The following CCDC93 variants were observed in gnomAD, a reference collection of about 807,000 sequenced individuals.
The protein encoded by CCDC93 is CCC complex scaffolding subunit CCDC93.
Under a neutral mutation model 108.2 loss-of-function variants are expected in CCDC93, and 61 were observed. That is an observed-to-expected ratio of 0.56 (90% CI 0.46 to 0.70). CCDC93 has a LOEUF of 0.70. Ranked by LOEUF, CCDC93 falls within the 30% of genes least tolerant of loss-of-function variation. CCDC93 has a pLI of 0.00. For missense variants in CCDC93, 685 were observed against 764.2 expected (o/e 0.90, Z 1.22); for synonymous variants, 276 against 260.4 (o/e 1.06, Z -0.58).
chr2:117,930,816 G>A, intron 23 of CCDC93: 1 of 432,792 alleles, frequency 2.3e-6, no homozygotes, highest in Non-Finnish European at 4.1e-6. Flanking sequence ...CTAAAGTGAT[G>A]TGATGTCTTA....
intron 23 of CCDC93, among the ~76,000 whole-genome samples, chr2:117,925,158 T>A (rs1678033040): frequency 6.6e-6 from 1 of 152,156 alleles, no homozygotes; most frequent in African/African-American, 2.4e-5. Context: ...TACCAGCCAC[T>A]GCAAAAACAT....
chr2:117,943,932 G>C (rs186112894), intron 18 of CCDC93, 92 bp downstream of exon 18: 1 of 798,836 alleles, frequency 1.3e-6, no homozygotes, highest in African/African-American at 1.8e-5. Context: ...ATTTTCTCTA[G>C]TTCTTAGATA....
intron 23 of CCDC93, among the ~76,000 whole-genome samples, chr2:117,927,515 G>T (rs1046685604): frequency 1.3e-5 from 2 of 152,074 alleles, no homozygotes; most frequent in African/African-American, 4.8e-5. Flanking sequence ...ACTCACAACT[G>T]CTTCAAAGAG....
intron 3 of CCDC93, among the ~76,000 whole-genome samples, chr2:118,005,242 G>T (rs72838038): frequency 1.3e-5 from 2 of 152,054 alleles, no homozygotes; most frequent in African/African-American, 4.8e-5. Context: ...TAAGGATATC[G>T]AAATGAAAAC....
chr2:118,003,711 G>A (rs1676782936), intron 3 of CCDC93, among the ~76,000 whole-genome samples: 1 of 152,174 alleles, frequency 6.6e-6, no homozygotes, highest in Non-Finnish European at 1.5e-5. Context: ...CCAGAGAGAA[G>A]GCTATCACGG....
At chr2:117,964,667 T>C (rs915608992) in intron 11 of CCDC93, among the ~76,000 whole-genome samples, 3 of 151,998 alleles carry the variant, frequency 2.0e-5, no homozygotes, top group Admixed American at 6.6e-5. Context: ...GGCATGATCA[T>C]AGCTCACTGC....
chr2:117,939,090 G>A lies in CCDC93; in HGVS notation c.1544C>T (p.Thr515Ile), dbSNP rs754849739. 1 of 1,606,896 alleles carries A rather than the reference G, an allele frequency of 6.2e-7. No individual in the cohort carries two copies. Among genetic ancestry groups the A allele is most frequent in the Non-Finnish European group, 8.5e-7 (1 of 1,173,996 alleles). ...YRQISAVHKE[T>I]KQFFTLYNTL... Reference sequence around the variant, plus strand: ...ATTATATAAAGTGAAGAACTGCTTGGTTTCTTTGTGCACTGCTGAAACTGT... The same window carrying A: ...ATTATATAAAGTGAAGAACTGCTTGATTTCTTTGTGCACTGCTGAAACTGT... The change falls in exon 20 of 24, where the codon ACC (threonine) becomes ATC (isoleucine). Residue 515 changes from threonine to isoleucine, a missense_variant. Transcript: ENST00000376300.
chr2:117,968,589 CAT>C (rs1224446490), intron 11 of CCDC93, among the ~76,000 whole-genome samples: 1 of 152,180 alleles, frequency 6.6e-6, no homozygotes, highest in Non-Finnish European at 1.5e-5. Flanking sequence ...CTTTGAGATA[CAT>C]GTTATGTTAC....
intron 8 of CCDC93, among the ~76,000 whole-genome samples, chr2:117,975,801 T>C (rs141215601): frequency 6.6e-6 from 1 of 152,326 alleles, no homozygotes; most frequent in Non-Finnish European, 1.5e-5. Context: ...GATGAAAAAT[T>C]ATACGTTTAC....
rs1679852966 is a variant in CCDC93 at position 117,974,008 on chromosome 2, G to A, written c.802-14C>T. On this transcript the variant is annotated splice_polypyrimidine_tract_variant and intron_variant, in intron 10 of 23. Transcript: ENST00000376300. ...GGTGAGACGGCTCTGCAAGTATATG[G>A]AGGGAATGTTCTCAAGGCCAAGCCT... The A allele has an allele frequency of 6.3e-7, 1 of 1,576,562 alleles. No homozygotes were observed. Among genetic ancestry groups the A allele is most frequent in the South Asian group, 1.1e-5 (1 of 88,340 alleles).
rs1234182108 is a variant in CCDC93, at chr2:117,925,053, A to G, written c.1843-4657T>C. 1.3e-5 allele frequency among the ~76,000 whole-genome samples: 2 copies of G among 151,662 alleles called. 1 individual carries two copies. Among genetic ancestry groups the G allele is most frequent in the Non-Finnish European group, 3.0e-5 (2 of 67,736 alleles). The stretch of plus-strand genomic sequence containing the variant: ...GCTTCATAAGTGAAGGAGAAATAAA[A>G]TACAGAAAAACAAATGCTGAGAGAT... On this transcript the variant is annotated intron_variant, in intron 23 of 23. Transcript: ENST00000376300.
chr2:117,924,948 C>A (rs1198871170), intron 23 of CCDC93, among the ~76,000 whole-genome samples: 3 of 152,162 alleles, frequency 2.0e-5, no homozygotes, highest in Non-Finnish European at 2.9e-5. Flanking sequence ...CTCTACAAGC[C>A]AGAAGAGAGT....
intron 18 of CCDC93, 130 bp downstream of exon 18, chr2:117,943,894 A>C (rs1678782871): frequency 5.2e-6 from 3 of 571,820 alleles, no homozygotes; most frequent in African/African-American, 1.9e-5. Flanking sequence ...GATAGAAAGA[A>C]GACTGGGGAA....
intron 11 of CCDC93, among the ~76,000 whole-genome samples, chr2:117,961,954 G>C (rs570971582): frequency 2.6e-4 from 39 of 152,324 alleles, no homozygotes; most frequent in African/African-American, 9.4e-4. Flanking sequence ...TTCAGATTAA[G>C]AACGTGCTTT....
intron 15 of CCDC93, 151 bp downstream of exon 15, chr2:117,947,954 A>T (rs991271460): frequency 1.6e-6 from 1 of 638,244 alleles, no homozygotes; most frequent in Admixed American, 2.6e-5. Context: ...TTGGCTTCCC[A>T]AAGTGCTGGG....
chr2:117,986,980 T>C (rs578066476), intron 6 of CCDC93, among the ~76,000 whole-genome samples: 9 of 150,912 alleles, frequency 6.0e-5, no homozygotes, highest in Admixed American at 6.0e-4. Context: ...GCTATTGTAC[T>C]TAGTTACAAT....
Position 117,920,240 on chromosome 2 carries a change from C to T in CCDC93, c.*103G>A. 1.4e-6 allele frequency: 1 copy of T among 708,730 alleles called. No homozygotes were observed. The highest frequency in any genetic ancestry group is 2.4e-6 in the Non-Finnish European group (1 of 413,284). 43.9% of individuals were successfully genotyped at this position (708,730 alleles called of 1,614,324 possible). The stretch of plus-strand genomic sequence containing the variant: ...ATCCAGGTTGTTGAAATCATCACAA[C>T]TGCATCTCTCTACTGTCGCTTTCAG... On this transcript the variant is annotated 3_prime_UTR_variant, in exon 24 of 24. Transcript: ENST00000376300.
At chr2:117,976,357 C>T (rs1679944253) in intron 8 of CCDC93, among the ~76,000 whole-genome samples, 2 of 151,968 alleles carry the variant, frequency 1.3e-5, no homozygotes, top group African/African-American at 2.4e-5. Flanking sequence ...ATTAAATATA[C>T]ACATCAAACC....
intron 2 of CCDC93, 144 bp from the exon 3 acceptor site, chr2:118,006,960 T>G: frequency 1.6e-6 from 1 of 613,908 alleles, no homozygotes; most frequent in Admixed American, 3.0e-5. Context: ...GTGTGTGTCC[T>G]CCTTACCCCA....
Sources: gnomAD v4.1 joint callset for allele counts (sites outside exome capture counted in the v4.1 genomes callset) on GRCh38, gnomAD v4.1.1 for gene constraint, MANE v1.5 for transcripts, NCBI Gene and HGNC (gene_info 2026-07-23, HGNC 2026-07-21) for gene names.